ARMC12: variants seen among roughly 807,000 people sequenced by gnomAD.
ARMC12 encodes the protein armadillo repeat-containing protein 12.
In ARMC12, 25 loss-of-function variants were observed where a neutral mutation model predicts 37.4. The observed-to-expected ratio is 0.67, with a 90% confidence interval of 0.49 to 0.93. The LOEUF is 0.93. Among genes scored for constraint, ARMC12 ranks in the 40% least tolerant of loss-of-function variants. The probability of loss-of-function intolerance (pLI) is 0.00; values close to 1 mark genes in which losing one functional copy is unlikely to be tolerated. For missense variants in ARMC12, 384 were observed against 426.6 expected, an observed-to-expected ratio of 0.90 and a Z score of 0.88; for synonymous variants, 167 against 176.1, an observed-to-expected ratio of 0.95 and a Z score of 0.41.
intron 3 of ARMC12, among the ~76,000 whole-genome samples, chr6:35,740,312 A>G (rs772944472): frequency 7.2e-5 from 11 of 152,240 alleles, no homozygotes; most frequent in East Asian, 1.9e-4. Context: ...CTGCCATGAA[A>G]AAAATGGCTT....
At chr6:35,737,769 T>TA (rs1767016011) in intron 1 of ARMC12, among the ~76,000 whole-genome samples, 1 of 152,240 alleles carries the variant, frequency 6.6e-6, no homozygotes, top group Non-Finnish European at 1.5e-5. Flanking sequence ...TACTACTTGT[T>TA]ACCGCCATAT....
Position 35,747,332 on chromosome 6 carries a change from A to G in ARMC12, c.516A>G (p.Arg172=), listed in dbSNP as rs764713427. 1.2e-6 allele frequency: 2 copies of G among 1,613,744 alleles called. No individual in the cohort carries two copies. The highest frequency in any genetic ancestry group is 1.7e-6 in the Non-Finnish European group (2 of 1,179,964). The part of the protein sequence containing the change: ...WDTELHIAGL[R]LLNNLPLPDY... ...CGGAACTGCACATTGCGGGCCTCAG[A>G]CTCCTCAACAACCTTCCACTGCCCG... Residue 172 remains arginine (R), a synonymous_variant, in exon 4 of 6, where the codon AGA becomes AGG. Coordinates refer to ENST00000373866, the MANE Select transcript of ARMC12 (RefSeq NM_001286574.2).
rs546106623 is a variant in ARMC12 at position 35,738,042 on chromosome 6, G to A, written c.179G>A (p.Arg60Gln). Residue 60 changes from arginine to glutamine, a missense_variant, in exon 2 of 6, where the codon CGA becomes CAA. Physicochemically the swap from Arg to Gln is conservative, Grantham distance 43 (BLOSUM62 1). Coordinates refer to ENST00000373866, the MANE Select transcript of ARMC12 (RefSeq NM_001286574.2). ...GGCTGTCTAGGCCTGGCAGTCGAGC[G>A]AGAGCGGCACGGGCGGGACTCAGGT... ...PICIARLAVE[R>Q]ERHGRDSGEL... is the part of the protein sequence containing the mutation. 24 of 1,613,608 alleles carry A rather than the reference G, an allele frequency of 1.5e-5. No individual in the cohort carries two copies. Among genetic ancestry groups the A allele is most frequent in the African/African-American group, 5.3e-5 (4 of 75,048 alleles).
At chr6:35,737,868 C>A in intron 1 of ARMC12, 159 bp from the exon 2 acceptor site, 1 of 919,070 alleles carries the variant, frequency 1.1e-6, no homozygotes, top group Non-Finnish European at 1.7e-6. Flanking sequence ...GTGCAGTAAA[C>A]ATTCGTTCAA....
At position 35,748,536 on chromosome 6, in the gene ARMC12, AG is replaced by A; in HGVS notation, c.691del. ...CCCATTCTTTCTCTATTCCCATCAC[AG>A]GTTCACTCCAACTTCCTAAACCTGT... On this transcript the variant is annotated splice_acceptor_variant, in intron 5 of 5. Coordinates refer to ENST00000373866, the MANE Select transcript of ARMC12 (RefSeq NM_001286574.2). LOFTEE classifies it high-confidence loss of function. The A allele has an allele frequency of 6.7e-7, 1 of 1,483,910 alleles. No individual in the cohort carries two copies. The highest frequency in any genetic ancestry group is 9.0e-7 in the Non-Finnish European group (1 of 1,115,434). 91.9% of individuals were successfully genotyped at this position (1,483,910 alleles called of 1,614,324 possible).
intron 3 of ARMC12, among the ~76,000 whole-genome samples, chr6:35,741,419 T>C (rs1212595233): frequency 1.3e-4 from 4 of 31,680 alleles, no homozygotes; most frequent in African/African-American, 2.5e-4. Flanking sequence ...CACATTTTAA[T>C]TTTTTTTTTT....
At position 35,748,839 on chromosome 6, in the gene ARMC12, C is replaced by T. The variant is rs369036129; in HGVS notation, c.992C>T (p.Pro331Leu). 8 of 1,612,588 alleles carry T rather than the reference C, an allele frequency of 5.0e-6. No individual in the cohort carries two copies. Among genetic ancestry groups the T allele is most frequent in the East Asian group, 4.5e-5 (2 of 44,848 alleles). Residue 331 changes from proline (P) to leucine (L), a missense_variant, in exon 6 of 6, where the codon CCC (proline) becomes CTC (leucine). Coordinates refer to ENST00000373866, the MANE Select transcript of ARMC12 (RefSeq NM_001286574.2). The stretch of plus-strand genomic sequence containing the variant: ...AGAGCCCGGCCCTCCTCCTGCCAGC[C>T]CAGTCGTTCCTACTTTAAAAACACG... ...DLRARPSSCQ[P>L]SRSYFKNTE
chr6:35,748,995 G>A lies in ARMC12; in HGVS notation c.*125G>A, dbSNP rs1373777481. ...TTCAGCATAACCTCTGCTCCAGAGT[G>A]TGGTACAGCATGGGCTTATCTCTCA... On this transcript the variant is annotated 3_prime_UTR_variant, in exon 6 of 6. Coordinates refer to ENST00000373866, the MANE Select transcript of ARMC12 (RefSeq NM_001286574.2). 4.1e-6 allele frequency: 4 copies of A among 978,112 alleles called. No homozygotes were observed. Among genetic ancestry groups the A allele is most frequent in the Admixed American group, 2.9e-5 (1 of 34,860 alleles). The allele number at this position is 978,112 out of a possible 1,614,324, so 60.6% of individuals were successfully genotyped here. A position where few individuals can be genotyped will look rare whatever the true frequency, so the allele number is the denominator to read the frequency against.
At chr6:35,736,355 T>C (rs1581917431), upstream of ARMC12, among the ~76,000 whole-genome samples, 1 of 152,066 alleles carries the variant, frequency 6.6e-6, no homozygotes, top group South Asian at 2.1e-4. Context: ...GGTGGAGAGA[T>C]CACATATGGG....
In ARMC12 at chr6:35,737,129, A is replaced by G. The variant is rs139129676; in HGVS notation, c.21A>G (p.Gln7=). 710 of 1,614,138 alleles carry G rather than the reference A, an allele frequency of 4.4e-4. 6 individuals are homozygous for G. The highest frequency in any genetic ancestry group is 4.0e-3 in the South Asian group (364 of 91,084). MGKSIP[Q]YLGQLDIRKS... ...AAGACATGGGCAAGAGCATCCCCCA[A>G]TACCTGGGGCAACTGGACATCCGCA... Residue 7 remains glutamine, a synonymous_variant, in exon 1 of 6, where the codon CAA becomes CAG. Transcript: ENST00000373866.
rs749645835 is a variant in ARMC12, at chr6:35,748,896, A to G, written c.*26A>G. On this transcript the variant is annotated 3_prime_UTR_variant, in exon 6 of 6. Transcript: ENST00000373866. ...AATTAAGGAGAGCCAATAAATGAGTATAGGAGAGAAACTTGAAGTTTCTTG... is the reference window on the plus strand; with the variant it reads ...AATTAAGGAGAGCCAATAAATGAGTGTAGGAGAGAAACTTGAAGTTTCTTG... The G allele has an allele frequency of 6.4e-6, 10 of 1,568,134 alleles. No homozygotes were observed. The highest frequency in any genetic ancestry group is 1.9e-5 in the Admixed American group (1 of 52,792).
chr6:35,748,688 G>C lies in ARMC12; in HGVS notation c.841G>C (p.Glu281Gln), dbSNP rs894511643. 1.2e-6 allele frequency: 2 copies of C among 1,614,050 alleles called. No homozygotes were observed. The highest frequency in any genetic ancestry group is 2.7e-5 in the African/African-American group (2 of 74,908). Reference sequence around the variant, plus strand: ...GCATTACAACGAACAGTCCCTGCATGAATCCCTCTTTGGGGAAGAGTCCCG... The same window carrying C: ...GCATTACAACGAACAGTCCCTGCATCAATCCCTCTTTGGGGAAGAGTCCCG... ...KWHYNEQSLH[E>Q]SLFGEESRLA... Residue 281 changes from glutamate to glutamine, a missense_variant, in exon 6 of 6, where the codon GAA becomes CAA. Transcript: ENST00000373866.
rs1415770792 is a variant in ARMC12, at chr6:35,738,405, G to A, written c.331G>A (p.Asp111Asn). The A allele has an allele frequency of 1.2e-6, 2 of 1,613,600 alleles. No individual in the cohort carries two copies. Among genetic ancestry groups the A allele is most frequent in the South Asian group, 2.2e-5 (2 of 91,040 alleles). Residue 111 changes from aspartate to asparagine, a missense_variant, in exon 3 of 6, where the codon GAC becomes AAC. By Grantham distance (23) the Asp-to-Asn change is conservative (BLOSUM62 1). Transcript: ENST00000373866. ...CCAGGCCTCTGCTTGTACTACGGATGACATCGTGTTGCTGGGCTACATGCT... is the reference window on the plus strand; with the variant it reads ...CCAGGCCTCTGCTTGTACTACGGATAACATCGTGTTGCTGGGCTACATGCT... ...EAEASACTTD[D>N]IVLLGYMLDD... is the part of the protein sequence containing the mutation.
intron 2 of ARMC12, 96 bp from the exon 3 acceptor site, chr6:35,738,283 CGGTGG>C: frequency 3.8e-5 from 22 of 572,274 alleles, no homozygotes; most frequent in Middle Eastern, 5.9e-4. Context: ...TGGCTGATAG[CGGTGG>C]GGGGGGGGTG....
At chr6:35,743,341 C>T (rs112561422) in intron 3 of ARMC12, among the ~76,000 whole-genome samples, 4,372 of 152,164 alleles carry the variant, frequency 0.029, 166 homozygotes, top group African/African-American at 0.093. Flanking sequence ...CTCAGCCTCC[C>T]GAGTAGCTGG....
In ARMC12 at chr6:35,737,287, C is replaced by T. The variant is rs746242262; in HGVS notation, c.163+16C>T. ...TGCATCGCCCGTGAGTGTCCGGGCC[C>T]TGGGGAGAGGGCTCTGCCCCAGGAG... On this transcript the variant is annotated intron_variant, in intron 1 of 5. Transcript: ENST00000373866. The T allele has an allele frequency of 3.1e-6, 5 of 1,614,148 alleles. No individual in the cohort carries two copies. In the African/African-American group the frequency reaches 5.3e-5, roughly 17 times the overall value.
At chr6:35,746,917 A>G (rs1767353566) in intron 3 of ARMC12, among the ~76,000 whole-genome samples, 1 of 151,998 alleles carries the variant, frequency 6.6e-6, no homozygotes, top group African/African-American at 2.4e-5. Context: ...GAGGGACAAC[A>G]TAGCTGGAGC....
intron 3 of ARMC12, 149 bp downstream of exon 3, chr6:35,738,667 C>A: frequency 1.8e-6 from 2 of 1,124,440 alleles, no homozygotes; most frequent in Non-Finnish European, 2.5e-6. Flanking sequence ...GGTCAGATTC[C>A]CAGCAGGGTC....
chr6:35,734,587 G>A (rs189239842), upstream of ARMC12, among the ~76,000 whole-genome samples: 5 of 152,318 alleles, frequency 3.3e-5, no homozygotes, highest in East Asian at 9.6e-4. Flanking sequence ...CGGATCATGA[G>A]CTCAGGTGTT....
Sources: gnomAD v4.1 joint callset for allele counts (sites outside exome capture counted in the v4.1 genomes callset) on GRCh38, gnomAD v4.1.1 for gene constraint, MANE v1.5 for transcripts, NCBI Gene and HGNC (gene_info 2026-07-23, HGNC 2026-07-21) for gene names.